CFAP54: variants seen among roughly 807,000 people sequenced by gnomAD.
CFAP54 encodes cilia and flagella associated protein 54.
In CFAP54, 290 loss-of-function variants were observed where a neutral mutation model predicts 370.4. That is an observed-to-expected ratio of 0.78 (90% CI 0.71 to 0.86). The LOEUF (loss-of-function observed/expected upper bound fraction) is 0.86, where lower values mean the gene tolerates loss of function less well. Ranked by LOEUF, CFAP54 falls within the 40% of genes least tolerant of loss-of-function variation. CFAP54 has a pLI of 0.00. For synonymous variants in CFAP54, 1,206 were observed against 1,236.5 expected (o/e 0.98, Z 0.52); for missense variants, 3,399 against 3,528.7 (o/e 0.96, Z 0.93).
At chr12:96,571,161 C>T (rs1263196917) in intron 19 of CFAP54, among the ~76,000 whole-genome samples, 1 of 152,114 alleles carries the variant, frequency 6.6e-6, no homozygotes, top group South Asian at 2.1e-4. Context: ...TGTTTTGCTG[C>T]ACTGTGGGCA....
At chr12:96,722,208 A>G (rs952976193) in intron 50 of CFAP54, among the ~76,000 whole-genome samples, 1 of 152,076 alleles carries the variant, frequency 6.6e-6, no homozygotes, top group African/African-American at 2.4e-5. Flanking sequence ...CTGTTTGGGA[A>G]CCTGCTCTGA....
At chr12:96,621,875 G>GTTGTTTT (rs1956496203) in intron 27 of CFAP54, among the ~76,000 whole-genome samples, 154 bp downstream of exon 27, 1 of 50,022 alleles carries the variant, frequency 2.0e-5, no homozygotes, top group East Asian at 8.4e-4. Context: ...TTTTGGGTTT[G>GTTGTTTT]TTTTTTTTTT....
rs542995345 is a variant in CFAP54, at chr12:96,874,185, T to G, written c.*15-933T>G. 3.9e-5 allele frequency among the ~76,000 whole-genome samples: 6 copies of G among 152,292 alleles called. No homozygotes were observed. The South Asian group carries it at 8.3e-4, about 21-fold the overall frequency. On this transcript the variant is annotated intron_variant, in intron 67 of 67. Transcript: ENST00000524981. ...TCAAAATCCTCTAGGGAACTCTGCTTCCTTAAAATGGGTCCAGCTCCAAGC... is the reference window on the plus strand; with the variant it reads ...TCAAAATCCTCTAGGGAACTCTGCTGCCTTAAAATGGGTCCAGCTCCAAGC...
intron 61 of CFAP54, 59 bp downstream of exon 61, chr12:96,784,949 T>A: frequency 8.1e-7 from 1 of 1,232,470 alleles, no homozygotes; most frequent in Non-Finnish European, 1.1e-6. Flanking sequence ...ATTTAAGTCA[T>A]GTTTCTTGTT....
At position 96,756,472 on chromosome 12, in the gene CFAP54, CA is replaced by C; in HGVS notation, c.7858del (p.Ile2620TyrfsTer2). ...ILFQKGKIER[Q>X]ILMEEKSPSF... ...TCTTCTTTCAGGCAAAATAGAACGT[CA>C]AATACTAATGGAAGAGAAATCTCCA... On this transcript the variant is annotated frameshift_variant, in exon 57 of 68. Transcript: ENST00000524981. LOFTEE classifies it high-confidence loss of function. 6.3e-7 allele frequency: 1 copy of C among 1,595,320 alleles called. No homozygotes were observed. Among genetic ancestry groups the C allele is most frequent in the Non-Finnish European group, 8.5e-7 (1 of 1,172,310 alleles).
chr12:96,641,942 G>GGGGGA (rs1956734903), intron 32 of CFAP54, among the ~76,000 whole-genome samples: 2 of 148,600 alleles, frequency 1.3e-5, no homozygotes, highest in African/African-American at 2.4e-5. Context: ...GTGGTGCGGG[G>GGGGGA]GGGGAGGGAT....
chr12:96,704,426 A>C (rs1360491763), intron 46 of CFAP54, among the ~76,000 whole-genome samples: 1 of 26,584 alleles, frequency 3.8e-5, no homozygotes, highest in Non-Finnish European at 5.8e-5. Flanking sequence ...GACTCGGTCT[A>C]AAAAAAAAAA....
intron 45 of CFAP54, among the ~76,000 whole-genome samples, chr12:96,699,578 G>T (rs1319868591): frequency 1.3e-5 from 2 of 152,136 alleles, no homozygotes; most frequent in Non-Finnish European, 2.9e-5. Context: ...TCGTTGGGCT[G>T]GAGAACATTA....
chr12:96,531,612 C>T (rs1247928490), intron 9 of CFAP54, among the ~76,000 whole-genome samples: 1 of 152,066 alleles, frequency 6.6e-6, no homozygotes, highest in East Asian at 1.9e-4. Context: ...TTCTGGGAAG[C>T]TTCCTCTATC....
At chr12:96,623,121 T>C (rs1956517680) in intron 27 of CFAP54, among the ~76,000 whole-genome samples, 1 of 152,104 alleles carries the variant, frequency 6.6e-6, no homozygotes. Context: ...ATTGTAGAGA[T>C]TGTTAATTTA....
intron 1 of CFAP54, among the ~76,000 whole-genome samples, chr12:96,493,113 A>G (rs898948366): frequency 3.9e-5 from 6 of 152,254 alleles, no homozygotes; most frequent in Admixed American, 1.3e-4. Context: ...TAACAAGACT[A>G]TAAGAATCAC....
At chr12:96,825,848 A>C (rs1959094467) in intron 65 of CFAP54, among the ~76,000 whole-genome samples, 1 of 135,066 alleles carries the variant, frequency 7.4e-6, no homozygotes, top group East Asian at 2.1e-4. Context: ...TATAATTTAT[A>C]ATATATAAAT....
chr12:96,615,955 C>T (rs575652857), intron 26 of CFAP54, among the ~76,000 whole-genome samples: 6 of 152,270 alleles, frequency 3.9e-5, no homozygotes, highest in Admixed American at 2.0e-4. Flanking sequence ...GACAGTGTGG[C>T]GATTCCTCAG....
chr12:96,536,626 C>CTTTTTTTT (rs10638883), intron 12 of CFAP54, among the ~76,000 whole-genome samples: 5 of 138,140 alleles, frequency 3.6e-5, no homozygotes, highest in African/African-American at 5.4e-5. Flanking sequence ...TTTTCTTTTT[C>CTTTTTTTT]TTTTTTTTTT....
At chr12:96,825,963 A>G (rs1194566045) in intron 65 of CFAP54, among the ~76,000 whole-genome samples, 5 of 142,490 alleles carry the variant, frequency 3.5e-5, no homozygotes, top group Non-Finnish European at 7.6e-5. Context: ...AAATTAATAT[A>G]TAACATAATA....
At chr12:96,806,188 ATATATATATATATATATATATATAT>A (rs1565984874) in intron 63 of CFAP54, among the ~76,000 whole-genome samples, 1,355 of 89,814 alleles carry the variant, frequency 0.015, 104 homozygotes, top group African/African-American at 0.024. Flanking sequence ...ATATATATAT[ATATATATATATATATATATATATAT>A]AATAACAACA....
At chr12:96,684,039 G>A (rs927560327) in intron 40 of CFAP54, among the ~76,000 whole-genome samples, 9 of 152,102 alleles carry the variant, frequency 5.9e-5, no homozygotes, top group African/African-American at 1.9e-4. Context: ...TGATCTGCCC[G>A]GTTTGGCCTC....
At chr12:96,802,909 A>G (rs60434048) in intron 63 of CFAP54, among the ~76,000 whole-genome samples, 4,680 of 151,960 alleles carry the variant, frequency 0.031, 238 homozygotes, top group African/African-American at 0.1. Flanking sequence ...ACTCCCACTT[A>G]TGAGTGAGAA....
intron 1 of CFAP54, among the ~76,000 whole-genome samples, chr12:96,491,921 G>A (rs1030605771): frequency 2.6e-5 from 4 of 152,016 alleles, no homozygotes; most frequent in African/African-American, 7.3e-5. Context: ...TACCACGCCC[G>A]GCTAATTTTT....
Sources: allele counts gnomAD v4.1 joint callset (sites outside exome capture counted in the v4.1 genomes callset), GRCh38; gene constraint gnomAD v4.1.1; transcripts MANE v1.5; gene names NCBI Gene and HGNC (gene_info 2026-07-23, HGNC 2026-07-21).